The following AHNAK2 variants were observed in gnomAD, a reference collection of about 807,000 sequenced individuals.
The protein encoded by AHNAK2 is protein AHNAK2.
AHNAK2 carries 18 observed loss-of-function variants against 30.7 expected under a neutral mutation model. The ratio of observed to expected loss-of-function variants is 0.59; its 90% confidence interval spans 0.41 to 0.87. The LOEUF (loss-of-function observed/expected upper bound fraction) is 0.87. AHNAK2 is among the 40% of genes least tolerant of loss of function. The pLI, the probability that AHNAK2 is intolerant of heterozygous loss-of-function variation, is 0.00. For missense variants in AHNAK2, 8,604 were observed against 7,373.0 expected (o/e 1.17, Z -6.11); for synonymous variants, 3,590 against 3,073.8 (o/e 1.17, Z -5.56).
At position 104,942,305 on chromosome 14, in the gene AHNAK2, C is replaced by G. The variant is rs370894337; in HGVS notation, c.13146G>C (p.Pro4382=). 22 of 1,611,492 alleles carry G rather than the reference C, an allele frequency of 1.4e-5. No individual in the cohort carries two copies. In the African/African-American group the frequency reaches 1.7e-4, roughly 13 times the overall value. The change falls in exon 7 of 7, where the codon CCG becomes CCC. Residue 4382 remains proline, a synonymous_variant. Coordinates refer to ENST00000333244, the MANE Select transcript of AHNAK2 (RefSeq NM_138420.4). ...CCTTGAAACTGGGCATCTGCAGCTTCGGCAGGTGCCCTTTGAGGCCGGCTC... is the reference window on the plus strand; with the variant it reads ...CCTTGAAACTGGGCATCTGCAGCTTGGGCAGGTGCCCTTTGAGGCCGGCTC... ...HEGAGLKGHL[P]KLQMPSFKVP...
rs757045078 is a variant in AHNAK2, at chr14:104,941,677, G to A, written c.13774C>T (p.Pro4592Ser). Residue 4592 changes from proline to serine, a missense_variant, in exon 7 of 7, where the codon CCC becomes TCC. By Grantham distance (74) the Pro-to-Ser change is moderately conservative (BLOSUM62 -1). Coordinates refer to ENST00000333244, the MANE Select transcript of AHNAK2 (RefSeq NM_138420.4). ...VMAPDVEVSLPSVETDVQAPG... is the reference protein window; with the variant it reads ...VMAPDVEVSLSSVETDVQAPG... ...GCCTGGACATCCGTCTCCACGCTGG[G>A]CAGAGACACCTCCACATCGGGGGCC... 6.2e-7 allele frequency: 1 copy of A among 1,613,616 alleles called. No homozygotes were observed. Among genetic ancestry groups the A allele is most frequent in the Non-Finnish European group, 8.5e-7 (1 of 1,179,856 alleles).
intron 1 of AHNAK2, among the ~76,000 whole-genome samples, chr14:104,977,563 C>A (rs1899625852): frequency 6.6e-6 from 1 of 152,220 alleles, no homozygotes; most frequent in South Asian, 2.1e-4. Context: ...TCAGGCCTAG[C>A]CCTGCCACAG....
In AHNAK2 at chr14:104,953,134, G is replaced by T. The variant is rs760866566; in HGVS notation, c.2317C>A (p.Leu773Ile). 6.2e-7 allele frequency: 1 copy of T among 1,610,586 alleles called. No individual in the cohort carries two copies. Among genetic ancestry groups the T allele is most frequent in the African/African-American group, 1.3e-5 (1 of 74,380 alleles). Reference sequence around the variant, plus strand: ...TTCAGGTCCAGCTTGGGGCCCTTGAGGTCCACTTTGGGCATCTTCAAACTG... The same window carrying T: ...TTCAGGTCCAGCTTGGGGCCCTTGATGTCCACTTTGGGCATCTTCAAACTG... ...RPSLKMPKVD[L>I]KGPKLDLKGP... Residue 773 changes from leucine (L) to isoleucine (I), a missense_variant, in exon 7 of 7, where the codon CTC becomes ATC. Physicochemically the swap from Leu to Ile is conservative, Grantham distance 5. Coordinates refer to ENST00000333244, the MANE Select transcript of AHNAK2 (RefSeq NM_138420.4).
rs370033379 is a variant in AHNAK2, at chr14:104,947,812, C to A, written c.7639G>T (p.Val2547Leu). Reference protein sequence around the residue: ...SADLEVQAGQVDVKLPEGPVP... With the variant: ...SADLEVQAGQLDVKLPEGPVP... ...GGGCCCTCTGGGAGTTTCACGTCCACTTGGCCAGCCTGGACCTCCAGGTCA... is the reference window on the plus strand; with the variant it reads ...GGGCCCTCTGGGAGTTTCACGTCCAATTGGCCAGCCTGGACCTCCAGGTCA... The change falls in exon 7 of 7, where the codon GTG (valine) becomes TTG (leucine). Residue 2547 changes from valine to leucine, a missense_variant. Val to Leu is a conservative substitution (Grantham distance 32). Coordinates refer to ENST00000333244, the MANE Select transcript of AHNAK2 (RefSeq NM_138420.4). The A allele has an allele frequency of 6.2e-7, 1 of 1,612,654 alleles. No homozygotes were observed. The highest frequency in any genetic ancestry group is 1.7e-5 in the Admixed American group (1 of 59,972).
rs760125897 is a variant in AHNAK2, at chr14:104,951,242, C to T, written c.4209G>A (p.Glu1403=). ...DVKLPEGPVP[E]GAGLKGHLPK... The stretch of plus-strand genomic sequence containing the variant: ...GCAGGTGCCCTTTGAGGCCGGCTCC[C>T]TCGGGCACGGGGCCCTCTGGGAGTT... The change falls in exon 7 of 7, where the codon GAG becomes GAA. Residue 1403 remains glutamate (E), a synonymous_variant. Transcript: ENST00000333244. 1.8e-5 allele frequency: 19 copies of T among 1,061,498 alleles called. 6 individuals are homozygous for T. In the Admixed American group the frequency reaches 3.4e-4, roughly 19 times the overall value. 65.8% of individuals were successfully genotyped at this position (1,061,498 alleles called of 1,614,324 possible).
chr14:104,942,274 T>C lies in AHNAK2; in HGVS notation c.13177A>G (p.Lys4393Glu). The change falls in exon 7 of 7, where the codon AAA (lysine) becomes GAA (glutamate). Residue 4393 changes from lysine to glutamate, a missense_variant. Coordinates refer to ENST00000333244, the MANE Select transcript of AHNAK2 (RefSeq NM_138420.4). ...ATCTGGGGACCCTTGAGGTCCACTT[T>C]GGGTACCTTGAAACTGGGCATCTGC... is the stretch of plus-strand genomic sequence containing the variant. ...KLQMPSFKVPKVDLKGPQIDV... is the reference protein window; with the variant it reads ...KLQMPSFKVPEVDLKGPQIDV... 1 of 1,613,142 alleles carries C rather than the reference T, an allele frequency of 6.2e-7. No individual in the cohort carries two copies. The highest frequency in any genetic ancestry group is 8.5e-7 in the Non-Finnish European group (1 of 1,179,774).
chr14:104,941,661 T>G lies in AHNAK2; in HGVS notation c.13790A>C (p.Asp4597Ala). ...VEVSLPSVET[D>A]VQAPGSMLDG... is the part of the protein sequence containing the mutation. ...CAGCATGGATCCTGGGGCCTGGACA[T>G]CCGTCTCCACGCTGGGCAGAGACAC... Residue 4597 changes from aspartate (D) to alanine (A), a missense_variant, in exon 7 of 7, where the codon GAT (aspartate) becomes GCT (alanine). Physicochemically the swap from Asp to Ala is moderately radical, Grantham distance 126. Coordinates refer to ENST00000333244, the MANE Select transcript of AHNAK2 (RefSeq NM_138420.4). 4 of 1,613,528 alleles carry G rather than the reference T, an allele frequency of 2.5e-6. No homozygotes were observed. The highest frequency in any genetic ancestry group is 2.5e-6 in the Non-Finnish European group (3 of 1,179,836).
rs541091418 is a variant in AHNAK2, at chr14:104,954,262, T to C, written c.1189A>G (p.Thr397Ala). ...CAAAGTCTAGGGTCACCGAGCTCTG[T>C]GGGCAATGGCATGCTCTGAGCAGGC... ...VMPAQSMPLP[T>A]ELGDPRLCEG... The change falls in exon 7 of 7, where the codon ACA becomes GCA. Residue 397 changes from threonine (T) to alanine (A), a missense_variant. Transcript: ENST00000333244. The surrounding 1 kb of genome is among the most constrained non-coding windows in gnomAD (Gnocchi z 4.3). 2.0e-5 allele frequency: 33 copies of C among 1,613,236 alleles called. No individual in the cohort carries two copies. The South Asian group carries it at 3.5e-4, about 17-fold the overall frequency.
chr14:104,967,364 C>G (rs1899334444), intron 1 of AHNAK2, among the ~76,000 whole-genome samples: 1 of 152,230 alleles, frequency 6.6e-6, no homozygotes. Context: ...TGGGGGTGGG[C>G]ACCACGGTCA....
In AHNAK2 at chr14:104,937,915, G is replaced by C; in HGVS notation, c.*148C>G. 1 of 806,254 alleles carries C rather than the reference G, an allele frequency of 1.2e-6. No individual in the cohort carries two copies. The highest frequency in any genetic ancestry group is 1.9e-6 in the Non-Finnish European group (1 of 539,464). The allele number at this position is 806,254 out of a possible 1,614,324, so 49.9% of individuals were successfully genotyped here. On this transcript the variant is annotated 3_prime_UTR_variant, in exon 7 of 7. Coordinates refer to ENST00000333244, the MANE Select transcript of AHNAK2 (RefSeq NM_138420.4). The stretch of plus-strand genomic sequence containing the variant: ...AGGAGGGCTGTGTGATGGTGACAAA[G>C]GTGTTCTGGTCATTTCTGCTCTGTT...
Position 104,938,336 on chromosome 14 carries a change from G to A in AHNAK2, c.17115C>T (p.Ser5705=). The change falls in exon 7 of 7, where the codon TCC becomes TCT. Residue 5705 remains serine, a synonymous_variant. Transcript: ENST00000333244. The part of the protein sequence containing the change: ...GWFRFPKLGF[S]SSPTKKSKST... ...TTTTGCTTTTCTTGGTAGGAGATGA[G>A]GAGAACCCTAATTTGGGAAATCGGA... 2 of 1,613,976 alleles carry A rather than the reference G, an allele frequency of 1.2e-6. No individual in the cohort carries two copies. Among genetic ancestry groups the A allele is most frequent in the Non-Finnish European group, 1.7e-6 (2 of 1,179,888 alleles).
rs1193526860 is a variant in AHNAK2, at chr14:104,948,660, T to C, written c.6791A>G (p.Asp2264Gly). ...CACTTCCACCTTGGGGTCTTTTAGG[T>C]CCAGCTTGGGGCCCTTGATGTCTAT... Reference protein sequence around the residue: ...PEIDIKGPKLDLKDPKVEVTA... With the variant: ...PEIDIKGPKLGLKDPKVEVTA... The change falls in exon 7 of 7, where the codon GAC (aspartate) becomes GGC (glycine). Residue 2264 changes from aspartate (D) to glycine (G), a missense_variant. Asp to Gly is a moderately conservative substitution (Grantham distance 94). Coordinates refer to ENST00000333244, the MANE Select transcript of AHNAK2 (RefSeq NM_138420.4). The C allele has an allele frequency of 6.2e-7, 1 of 1,611,718 alleles. No homozygotes were observed. Among genetic ancestry groups the C allele is most frequent in the Non-Finnish European group, 8.5e-7 (1 of 1,179,618 alleles).
chr14:104,956,428 C>A (rs915197875), intron 4 of AHNAK2, among the ~76,000 whole-genome samples, 160 bp downstream of exon 4: 4 of 152,150 alleles, frequency 2.6e-5, no homozygotes, highest in African/African-American at 9.7e-5. Flanking sequence ...TGCCCTTCCC[C>A]AGGCCTGACA....
rs1394990391 is a variant in AHNAK2 at position 104,966,809 on chromosome 14, C to G, written c.56-9137G>C. ...GCCAAGGAAAGGGACAGGAATCTGGCCAGAGCCTGCCCACCGCTAAGCCAA... is the reference window on the plus strand; with the variant it reads ...GCCAAGGAAAGGGACAGGAATCTGGGCAGAGCCTGCCCACCGCTAAGCCAA... On this transcript the variant is annotated intron_variant, in intron 1 of 6. Coordinates refer to ENST00000333244, the MANE Select transcript of AHNAK2 (RefSeq NM_138420.4). The surrounding 1 kb of genome is among the most constrained non-coding windows in gnomAD (Gnocchi z 4.3). Among the ~76,000 whole-genome samples the G allele has an allele frequency of 6.6e-6, 1 of 152,222 alleles. No homozygotes were observed. Among genetic ancestry groups the G allele is most frequent in the East Asian group, 1.9e-4 (1 of 5,194 alleles).
Position 104,944,527 on chromosome 14 carries a change from T to G in AHNAK2, c.10924A>C (p.Lys3642Gln). The G allele has an allele frequency of 6.2e-7, 1 of 1,612,950 alleles. No individual in the cohort carries two copies. The highest frequency in any genetic ancestry group is 1.1e-5 in the South Asian group (1 of 91,010). ...TAKDSKFKMP[K>Q]FKMPSFRVSA... is the part of the protein sequence containing the mutation. ...ACCCTGAATGACGGCATCTTGAATTTGGGCATTTTGAACTTGCTGTCTTTG... is the reference window on the plus strand; with the variant it reads ...ACCCTGAATGACGGCATCTTGAATTGGGGCATTTTGAACTTGCTGTCTTTG... Residue 3642 changes from lysine (K) to glutamine (Q), a missense_variant, in exon 7 of 7, where the codon AAA becomes CAA. By Grantham distance (53) the Lys-to-Gln change is moderately conservative. Coordinates refer to ENST00000333244, the MANE Select transcript of AHNAK2 (RefSeq NM_138420.4).
Position 104,950,376 on chromosome 14 carries a change from A to T in AHNAK2, c.5075T>A (p.Val1692Glu). ...GTCCCCCTGCATGGAGGGGAGGCTC[A>T]CATCAGCTTCCACCTTCGGCTCAGA... ...DVSEPKVEAD[V>E]SLPSMQGDLK... is the part of the protein sequence containing the mutation. Residue 1692 changes from valine (V) to glutamate (E), a missense_variant, in exon 7 of 7, where the codon GTG (valine) becomes GAG (glutamate). Val to Glu is a moderately radical substitution (Grantham distance 121, BLOSUM62 -2). Coordinates refer to ENST00000333244, the MANE Select transcript of AHNAK2 (RefSeq NM_138420.4). The T allele has an allele frequency of 6.3e-7, 1 of 1,585,726 alleles. No homozygotes were observed. The highest frequency in any genetic ancestry group is 1.4e-5 in the African/African-American group (1 of 72,360).
Position 104,951,207 on chromosome 14 carries a change from T to C in AHNAK2, c.4244A>G (p.Gln1415Arg). The C allele has an allele frequency of 5.6e-6, 6 of 1,068,732 alleles. 2 individuals carry two copies. The highest frequency in any genetic ancestry group is 8.1e-6 in the Non-Finnish European group (6 of 737,382). The allele number at this position is 1,068,732 out of a possible 1,614,324, so 66.2% of individuals were successfully genotyped here. ...TTTGGGCACCTTGAAACTGGGCATCTGCAGCTTGGGCAGGTGCCCTTTGAG... is the reference window on the plus strand; with the variant it reads ...TTTGGGCACCTTGAAACTGGGCATCCGCAGCTTGGGCAGGTGCCCTTTGAG... ...AGLKGHLPKL[Q>R]MPSFKVPKVD... Residue 1415 changes from glutamine (Q) to arginine (R), a missense_variant, in exon 7 of 7, where the codon CAG (glutamine) becomes CGG (arginine). Gln to Arg is a conservative substitution (Grantham distance 43). Coordinates refer to ENST00000333244, the MANE Select transcript of AHNAK2 (RefSeq NM_138420.4).
At position 104,945,641 on chromosome 14, in the gene AHNAK2, A is replaced by C. The variant is rs558421208; in HGVS notation, c.9810T>G (p.Ser3270=). 337 of 1,570,592 alleles carry C rather than the reference A, an allele frequency of 2.1e-4. 21 individuals carry two copies. The South Asian group carries it at 3.5e-3, about 16-fold the overall frequency. The change falls in exon 7 of 7, where the codon TCT becomes TCG. Residue 3270 remains serine, a synonymous_variant. Transcript: ENST00000333244. ...CGACGTCCACCTCCATGCTGGGCTG[A>C]GACACCTCCACGTCGGGGGCCGTCA... is the stretch of plus-strand genomic sequence containing the variant. ...MDVTAPDVEV[S]QPSMEVDVEA...
intron 1 of AHNAK2, among the ~76,000 whole-genome samples, chr14:104,970,038 G>A (rs896828260): frequency 2.0e-5 from 3 of 152,078 alleles, no homozygotes; most frequent in Admixed American, 1.3e-4. Flanking sequence ...CAGGCCCCAC[G>A]CCCACCTTGG....
Sources: gnomAD v4.1 joint callset for allele counts (sites outside exome capture counted in the v4.1 genomes callset) on GRCh38, gnomAD v4.1.1 for gene constraint, Gnocchi (gnomAD v3.1) non-coding constraint, MANE v1.5 for transcripts, NCBI Gene and HGNC (gene_info 2026-07-23, HGNC 2026-07-21) for gene names.